JARID2: variants seen among roughly 807,000 people sequenced by gnomAD.
JARID2 encodes the protein jumonji and AT-rich interaction domain containing 2, also known as protein Jumonji.
A neutral mutation model predicts 125.6 loss-of-function variants in JARID2; 21 were observed. That is an observed-to-expected ratio of 0.17 (90% CI 0.12 to 0.24). JARID2 has a LOEUF of 0.24. Among genes scored for constraint, JARID2 ranks in the 10% least tolerant of loss-of-function variants. JARID2 has a pLI of 1.00. For missense variants in JARID2, 1,303 were observed against 1,639.6 expected, an observed-to-expected ratio of 0.79 and a Z score of 3.55; for synonymous variants, 736 against 661.6, an observed-to-expected ratio of 1.11 and a Z score of -1.73.
At chr6:15,372,176 C>G (rs1337332872) in intron 1 of JARID2, among the ~76,000 whole-genome samples, 2 of 152,154 alleles carry the variant, frequency 1.3e-5, no homozygotes, top group Non-Finnish European at 2.9e-5. Context: ...ATCTAGACTT[C>G]TCATTGAGTC....
At chr6:15,290,245 G>A (rs1338187987) in intron 1 of JARID2, among the ~76,000 whole-genome samples, 1 of 152,074 alleles carries the variant, frequency 6.6e-6, no homozygotes, top group East Asian at 1.9e-4. Context: ...TCATTTCATT[G>A]CCAAATAATA....
At chr6:15,352,913 C>T (rs1386348596) in intron 1 of JARID2, among the ~76,000 whole-genome samples, 2 of 152,226 alleles carry the variant, frequency 1.3e-5, no homozygotes, top group Non-Finnish European at 2.9e-5. Context: ...GAACAATACT[C>T]TGTTGCATGG....
intron 1 of JARID2, among the ~76,000 whole-genome samples, chr6:15,287,767 A>C (rs1319395263): frequency 6.6e-6 from 1 of 152,162 alleles, no homozygotes; most frequent in African/African-American, 2.4e-5. Flanking sequence ...AGACATGTCT[A>C]GGTTAGGAGC....
rs1229884877 is a variant in JARID2 at position 15,283,134 on chromosome 6, A to T, written c.45+36550A>T. Reference sequence around the variant, plus strand: ...GCTGGGACTACAGGCGCCCGCCACCACGCCCGGCTAATTTTTTGTATTTTT... The same window carrying T: ...GCTGGGACTACAGGCGCCCGCCACCTCGCCCGGCTAATTTTTTGTATTTTT... On this transcript the variant is annotated intron_variant, in intron 1 of 17. Coordinates refer to ENST00000341776, the MANE Select transcript of JARID2 (RefSeq NM_004973.4). 4.4e-5 allele frequency among the ~76,000 whole-genome samples: 6 copies of T among 137,146 alleles called. No homozygotes were observed. The Admixed American group carries it at 4.5e-4, about 10-fold the overall frequency. The allele number at this position is 137,146 out of a possible 152,430, so 90.0% of individuals were successfully genotyped here.
intron 3 of JARID2, among the ~76,000 whole-genome samples, chr6:15,412,067 A>G (rs1765901990): frequency 6.6e-6 from 1 of 152,218 alleles, no homozygotes; most frequent in Non-Finnish European, 1.5e-5. Flanking sequence ...TCTTTTTCAG[A>G]GTTAGCTGAA....
chr6:15,397,391 C>T (rs1476987791), intron 2 of JARID2, among the ~76,000 whole-genome samples: 5 of 152,164 alleles, frequency 3.3e-5, no homozygotes, highest in Non-Finnish European at 7.3e-5. Context: ...GTACTCTCTT[C>T]TATCATACGA....
chr6:15,484,012 G>A (rs75462205), intron 5 of JARID2, among the ~76,000 whole-genome samples: 31 of 151,998 alleles, frequency 2.0e-4, no homozygotes, highest in African/African-American at 7.2e-4. Flanking sequence ...ACCATTTTTC[G>A]TGCCATCAGT....
intron 1 of JARID2, among the ~76,000 whole-genome samples, chr6:15,268,760 A>G (rs897185320): frequency 2.0e-5 from 3 of 152,218 alleles, no homozygotes; most frequent in Admixed American, 6.5e-5. Context: ...CCTGTGCTTC[A>G]GTTGGCAGAA....
intron 2 of JARID2, among the ~76,000 whole-genome samples, chr6:15,409,274 G>A (rs1272537854): frequency 6.6e-6 from 1 of 152,172 alleles, no homozygotes; most frequent in African/African-American, 2.4e-5. Context: ...AAATCAAGGG[G>A]CCACTCCGTA....
At chr6:15,316,022 T>C (rs957249602) in intron 1 of JARID2, among the ~76,000 whole-genome samples, 1 of 152,132 alleles carries the variant, frequency 6.6e-6, no homozygotes, top group Admixed American at 6.5e-5. Flanking sequence ...CTTTTTTTTT[T>C]CATCCCGTGA....
chr6:15,342,375 A>G (rs1265939110), intron 1 of JARID2, among the ~76,000 whole-genome samples: 1 of 152,142 alleles, frequency 6.6e-6, no homozygotes, highest in Non-Finnish European at 1.5e-5. Flanking sequence ...AAGGGTGGAA[A>G]CCTGGGGCAG....
chr6:15,412,033 T>C (rs1765900206), intron 3 of JARID2, among the ~76,000 whole-genome samples: 1 of 152,222 alleles, frequency 6.6e-6, no homozygotes, highest in Non-Finnish European at 1.5e-5. Flanking sequence ...ACTGGAATTC[T>C]TTAAGGTAGT....
At chr6:15,452,318 A>C in intron 4 of JARID2, 143 bp downstream of exon 4, 11 of 1,207,682 alleles carry the variant, frequency 9.1e-6, no homozygotes, top group East Asian at 2.7e-5. Context: ...GAAAGTGAGA[A>C]ATCCCACCGA....
intron 1 of JARID2, among the ~76,000 whole-genome samples, chr6:15,256,599 A>G (rs1156919130): frequency 1.2e-5 from 1 of 81,634 alleles, no homozygotes; most frequent in Non-Finnish European, 2.8e-5. Flanking sequence ...CATCCACTTC[A>G]CACATCCGGG....
intron 7 of JARID2, among the ~76,000 whole-genome samples, chr6:15,498,836 GC>G (rs1172985048): frequency 6.6e-6 from 1 of 152,182 alleles, no homozygotes; most frequent in Non-Finnish European, 1.5e-5. Flanking sequence ...CGCTGACCAC[GC>G]CCCATGACTA....
At chr6:15,358,838 A>C (rs768790684) in intron 1 of JARID2, among the ~76,000 whole-genome samples, 1 of 152,214 alleles carries the variant, frequency 6.6e-6, no homozygotes, top group Non-Finnish European at 1.5e-5. Flanking sequence ...TTTTCATGCC[A>C]GGAGGCTGAT....
At chr6:15,412,782 T>C (rs1400478703) in intron 3 of JARID2, among the ~76,000 whole-genome samples, 2 of 152,228 alleles carry the variant, frequency 1.3e-5, no homozygotes, top group African/African-American at 4.8e-5. Context: ...GGTAGTATAC[T>C]GTTGAAACTG....
intron 1 of JARID2, among the ~76,000 whole-genome samples, chr6:15,343,261 G>T (rs1763132207): frequency 1.4e-5 from 2 of 142,272 alleles, no homozygotes; most frequent in Admixed American, 7.1e-5. Context: ...GGGAATAGCT[G>T]CTTTACTTCA....
intron 1 of JARID2, among the ~76,000 whole-genome samples, chr6:15,257,935 TAGTC>T (rs1160511170): frequency 2.0e-5 from 3 of 152,342 alleles, no homozygotes; most frequent in Admixed American, 1.3e-4. Context: ...AATGTGTTAT[TAGTC>T]AGAACAGCTC....
Sources: allele counts gnomAD v4.1 joint callset (sites outside exome capture counted in the v4.1 genomes callset), GRCh38; gene constraint gnomAD v4.1.1; transcripts MANE v1.5; gene names NCBI Gene and HGNC (gene_info 2026-07-23, HGNC 2026-07-21).